The following DDX60 variants were observed in gnomAD, a reference collection of about 807,000 sequenced individuals.
DDX60 encodes DExD/H-box helicase 60.
A neutral mutation model predicts 212.8 loss-of-function variants in DDX60; 165 were observed. The ratio of observed to expected loss-of-function variants is 0.78; its 90% CI spans 0.68 to 0.88. The LOEUF is 0.88. DDX60 is among the 40% of genes least tolerant of loss of function. DDX60 has a pLI of 0.00. For missense variants in DDX60, 1,905 were observed against 2,003.9 expected, an observed-to-expected ratio of 0.95 and a Z score of 0.94; for synonymous variants, 703 against 685.3, an observed-to-expected ratio of 1.03 and a Z score of -0.40.
At chr4:168,275,871 A>G in intron 15 of DDX60, 144 bp downstream of exon 15, 1 of 665,122 alleles carries the variant, frequency 1.5e-6, no homozygotes, top group Non-Finnish European at 2.3e-6. Context: ...TATTACTTCA[A>G]GATTGGGCAG....
At chr4:168,249,539 C>A (rs959489875) in intron 28 of DDX60, among the ~76,000 whole-genome samples, 10 of 151,990 alleles carry the variant, frequency 6.6e-5, no homozygotes, top group African/African-American at 2.4e-4. Context: ...AGAATAAATA[C>A]CTTTTTAAAA....
chr4:168,242,953 C>T (rs768818905), intron 30 of DDX60, among the ~76,000 whole-genome samples: 39 of 152,060 alleles, frequency 2.6e-4, no homozygotes, highest in Non-Finnish European at 2.8e-4. Context: ...AACATGGGGG[C>T]GGGTCTTTCC....
upstream of DDX60, among the ~76,000 whole-genome samples, chr4:168,323,022 G>A (rs1216388956): frequency 6.6e-6 from 1 of 152,194 alleles, no homozygotes; most frequent in African/African-American, 2.4e-5. Context: ...GAAGGCTTTG[G>A]AGCTGGGTGC....
At chr4:168,307,259 T>C (rs1736924887) in intron 4 of DDX60, among the ~76,000 whole-genome samples, 1 of 152,176 alleles carries the variant, frequency 6.6e-6, no homozygotes, top group Non-Finnish European at 1.5e-5. Context: ...TAATTGAGAC[T>C]GCAAAATGAC....
rs1384074882 is a variant in DDX60 at position 168,276,258 on chromosome 4, C to A, written c.1979-77G>T. Reference sequence around the variant, plus strand: ...CATTTGATTACCCAAGATTAATCATCTAGATGGCCTCACTATCTCACTTGG... The same window carrying A: ...CATTTGATTACCCAAGATTAATCATATAGATGGCCTCACTATCTCACTTGG... On this transcript the variant is annotated intron_variant, in intron 14 of 37. Coordinates refer to ENST00000393743, the MANE Select transcript of DDX60 (RefSeq NM_017631.6). 4.9e-6 allele frequency: 6 copies of A among 1,222,422 alleles called. No individual in the cohort carries two copies. The African/African-American group carries it at 9.1e-5, about 19-fold the overall frequency. The allele number at this position is 1,222,422 out of a possible 1,614,324, so 75.7% of individuals were successfully genotyped here. A position where few individuals can be genotyped will look rare whatever the true frequency, so the allele number is the denominator to read the frequency against.
intron 26 of DDX60, among the ~76,000 whole-genome samples, chr4:168,253,412 G>T (rs966252908): frequency 1.3e-5 from 2 of 152,194 alleles, no homozygotes; most frequent in Non-Finnish European, 2.9e-5. Flanking sequence ...TGCTACAGCT[G>T]CTTTGAGTTG....
chr4:168,284,968 C>T (rs749033315), intron 11 of DDX60, 33 bp from the exon 12 acceptor site: 3 of 1,065,416 alleles, frequency 2.8e-6, no homozygotes, highest in Admixed American at 2.1e-5. Flanking sequence ...TTTTAAATTG[C>T]ACACTTCCAA....
chr4:168,301,873 G>A (rs1169943422), intron 6 of DDX60, among the ~76,000 whole-genome samples: 1 of 152,336 alleles, frequency 6.6e-6, no homozygotes, highest in East Asian at 1.9e-4. Flanking sequence ...TTGTTAGGAT[G>A]TACTGAGGAC....
At chr4:168,269,902 G>A (rs1236714528) in intron 19 of DDX60, among the ~76,000 whole-genome samples, 1 of 152,050 alleles carries the variant, frequency 6.6e-6, no homozygotes, top group Non-Finnish European at 1.5e-5. Flanking sequence ...TCAAATGGTA[G>A]AGTTCAGCTC....
chr4:168,310,047 C>T (rs922574787), intron 3 of DDX60, among the ~76,000 whole-genome samples: 2 of 152,162 alleles, frequency 1.3e-5, no homozygotes, highest in African/African-American at 4.8e-5. Context: ...AATGAGGACA[C>T]ATTTTCCGAA....
At chr4:168,239,250 A>G (rs938968692) in intron 30 of DDX60, among the ~76,000 whole-genome samples, 1 of 152,142 alleles carries the variant, frequency 6.6e-6, no homozygotes, top group African/African-American at 2.4e-5. Context: ...ATAGGAAGAT[A>G]GAAAGATAGA....
At chr4:168,248,932 G>C (rs973424792) in intron 28 of DDX60, among the ~76,000 whole-genome samples, 2 of 152,004 alleles carry the variant, frequency 1.3e-5, no homozygotes, top group Admixed American at 1.3e-4. Flanking sequence ...GCTAATTTTT[G>C]TATTTTTAGT....
upstream of DDX60, among the ~76,000 whole-genome samples, chr4:168,322,298 T>C (rs1237978848): frequency 6.6e-6 from 1 of 152,212 alleles, no homozygotes; most frequent in Non-Finnish European, 1.5e-5. Flanking sequence ...AATCATCACA[T>C]AACTACTGCT....
At chr4:168,280,037 A>G (rs1466356063) in intron 14 of DDX60, among the ~76,000 whole-genome samples, 2 of 152,094 alleles carry the variant, frequency 1.3e-5, no homozygotes, top group African/African-American at 4.8e-5. Context: ...GTGGATCACA[A>G]AGTCAGGAGT....
In DDX60 at chr4:168,241,362, A is replaced by G. The variant is rs192005015; in HGVS notation, c.4165-3567T>C. Among the ~76,000 whole-genome samples the G allele has an allele frequency of 2.1e-3, 316 of 152,308 alleles. 2 individuals are homozygous for G. The highest frequency in any genetic ancestry group is 0.02 in the Middle Eastern group (6 of 294). On this transcript the variant is annotated intron_variant, in intron 30 of 37. Coordinates refer to ENST00000393743, the MANE Select transcript of DDX60 (RefSeq NM_017631.6). ...TTGGGTACTAGGCAGAAATTGGAAC[A>G]GTTTGGAGGGCTCAGAAGCAGACAG...
rs191846177 is a variant in DDX60, at chr4:168,236,221, T to C, written c.4533+31A>G. The stretch of plus-strand genomic sequence containing the variant: ...TAAGATCTATTTAGTGGTTTTACAT[T>C]ACTAAATTTTATCAGAATCACACAG... On this transcript the variant is annotated intron_variant, in intron 33 of 37. Coordinates refer to ENST00000393743, the MANE Select transcript of DDX60 (RefSeq NM_017631.6). 4.9e-5 allele frequency: 79 copies of C among 1,599,178 alleles called. No homozygotes were observed. In the East Asian group the frequency reaches 1.5e-3, roughly 31 times the overall value.
At chr4:168,237,834 G>C (rs889946124) in intron 30 of DDX60, 39 bp from the exon 31 acceptor site, 15 of 1,441,078 alleles carry the variant, frequency 1.0e-5, no homozygotes, top group South Asian at 1.3e-5. Flanking sequence ...ACAATGTTAA[G>C]TGTTACGAAA....
At chr4:168,287,269 A>C (rs529487852) in intron 9 of DDX60, 66 bp from the exon 10 acceptor site, 508 of 1,380,966 alleles carry the variant, frequency 3.7e-4, no homozygotes, top group Middle Eastern at 2.9e-3. Flanking sequence ...ATCATTAGTC[A>C]CATTTTGAGT....
In DDX60 at chr4:168,304,693, C is replaced by T. The variant is rs140594783; in HGVS notation, c.606+1686G>A. Among the ~76,000 whole-genome samples the T allele has an allele frequency of 7.1e-3, 1,083 of 152,046 alleles. 11 individuals are homozygous for T. The highest frequency in any genetic ancestry group is 9.6e-3 in the Non-Finnish European group (654 of 68,002). Reference sequence around the variant, plus strand: ...TCCAGCCTGAGTGACAGAGTGAAGACACTGTCTCAAGAAAAATAAAGAAGG... The same window carrying T: ...TCCAGCCTGAGTGACAGAGTGAAGATACTGTCTCAAGAAAAATAAAGAAGG... On this transcript the variant is annotated intron_variant, in intron 5 of 37. Transcript: ENST00000393743.
Sources: gnomAD v4.1 joint callset for allele counts (sites outside exome capture counted in the v4.1 genomes callset) on GRCh38, gnomAD v4.1.1 for gene constraint, MANE v1.5 for transcripts, NCBI Gene and HGNC (gene_info 2026-07-23, HGNC 2026-07-21) for gene names.